LIPE: variants seen among roughly 807,000 people sequenced by gnomAD.
LIPE encodes lipase E, hormone sensitive type.
A neutral mutation model predicts 88.5 loss-of-function variants in LIPE; 66 were observed. That is an observed-to-expected ratio of 0.75 (90% CI 0.61 to 0.91). The LOEUF (loss-of-function observed/expected upper bound fraction) is 0.91. LIPE is among the 40% of genes least tolerant of loss of function. LIPE has a pLI of 0.00. For synonymous variants in LIPE, 570 were observed against 617.5 expected, an observed-to-expected ratio of 0.92 and a Z score of 1.14; for missense variants, 1,346 against 1,434.7, an observed-to-expected ratio of 0.94 and a Z score of 1.00.
Position 42,423,667 on chromosome 19 carries a change from G to A in LIPE, c.883+2600C>T, listed in dbSNP as rs528414719. On this transcript the variant is annotated intron_variant, in intron 1 of 9. Coordinates refer to ENST00000244289, the MANE Select transcript of LIPE (RefSeq NM_005357.4). Reference sequence around the variant, plus strand: ...CCGAGCTTGCTCTTCTCTGGGTCCAGCTCCCTAACCAATTCTGGTCTCCCT... The same window carrying A: ...CCGAGCTTGCTCTTCTCTGGGTCCAACTCCCTAACCAATTCTGGTCTCCCT... 88 of 1,160,470 alleles carry A rather than the reference G, an allele frequency of 7.6e-5. No homozygotes were observed. In the Admixed American group the frequency reaches 1.5e-3, roughly 19 times the overall value. 71.9% of individuals were successfully genotyped at this position (1,160,470 alleles called of 1,614,324 possible).
chr19:42,401,717 A>AGGCCCC lies in LIPE; in HGVS notation c.*94_*95insGGGGCC. 2.3e-4 allele frequency: 7 copies of AGGCCCC among 30,730 alleles called. No individual in the cohort carries two copies. The highest frequency in any genetic ancestry group is 3.6e-4 in the Non-Finnish European group (6 of 16,614). The allele number at this position is 30,730 out of a possible 1,614,324, so 1.9% of individuals were successfully genotyped here. ...CGGGCCCCCGCCCCGCCCCCTTGCC[A>AGGCCCC]CCCCCGACTTAAGTAAGGCACAGCC... On this transcript the variant is annotated 3_prime_UTR_variant, in exon 10 of 10. Coordinates refer to ENST00000244289, the MANE Select transcript of LIPE (RefSeq NM_005357.4).
At chr19:42,403,968 C>G (rs2040083011) in intron 8 of LIPE, among the ~76,000 whole-genome samples, 1 of 152,170 alleles carries the variant, frequency 6.6e-6, no homozygotes, top group African/African-American at 2.4e-5. Context: ...ACACTTCCAG[C>G]CCACCTGGCG....
chr19:42,417,982 C>T (rs1191406082), intron 1 of LIPE, among the ~76,000 whole-genome samples: 2 of 151,424 alleles, frequency 1.3e-5, no homozygotes, highest in Non-Finnish European at 2.9e-5. Flanking sequence ...AGGACTGACC[C>T]CCATTTTTTT....
chr19:42,407,419 AGG>A lies in LIPE; in HGVS notation c.1890_1891del (p.Leu631GlyfsTer57). On this transcript the variant is annotated frameshift_variant, in exon 6 of 10. Coordinates refer to ENST00000244289, the MANE Select transcript of LIPE (RefSeq NM_005357.4). LOFTEE classifies it high-confidence loss of function. This position sits in a 1 kb window ranked among gnomAD's most constrained non-coding sequence, Gnocchi z 5.8. ...CTGCTGGGGGCGCGGCCACAGCTCC[AGG>A]CTCCGTTGGCCGTTGGACTTTATCA... 6.2e-7 allele frequency: 1 copy of A among 1,613,598 alleles called. No individual in the cohort carries two copies. Among genetic ancestry groups the A allele is most frequent in the Non-Finnish European group, 8.5e-7 (1 of 1,179,786 alleles).
chr19:42,405,450 G>A lies in LIPE; in HGVS notation c.2477C>T (p.Ser826Leu), dbSNP rs747830282. The change falls in exon 8 of 10, where the codon TCA (serine) becomes TTA (leucine). Residue 826 changes from serine to leucine, a missense_variant. Coordinates refer to ENST00000244289, the MANE Select transcript of LIPE (RefSeq NM_005357.4). ...LLRDFRLGAS[S>L]WLNSFLELSG... is the part of the protein sequence containing the mutation. ...TAACTCCAGGAAGGAGTTGAGCCAT[G>A]AGGAGGCACCCAGGCGGAAGTCTCG... is the stretch of plus-strand genomic sequence containing the variant. 2 of 1,614,108 alleles carry A rather than the reference G, an allele frequency of 1.2e-6. No homozygotes were observed. Among genetic ancestry groups the A allele is most frequent in the Non-Finnish European group, 1.7e-6 (2 of 1,180,038 alleles).
At position 42,407,551 on chromosome 19, in the gene LIPE, G is replaced by T; in HGVS notation, c.1842+55C>A. The T allele has an allele frequency of 6.3e-7, 1 of 1,575,654 alleles. No homozygotes were observed. The highest frequency in any genetic ancestry group is 2.2e-5 in the East Asian group (1 of 44,458). ...CCCTCCATGGGGATGCCAAGGTGGGGGCTGCCCACGCTCCTCGGCTCTGTC... is the reference window on the plus strand; with the variant it reads ...CCCTCCATGGGGATGCCAAGGTGGGTGCTGCCCACGCTCCTCGGCTCTGTC... On this transcript the variant is annotated intron_variant, in intron 5 of 9. Coordinates refer to ENST00000244289, the MANE Select transcript of LIPE (RefSeq NM_005357.4). The surrounding 1 kb of genome is among the most constrained non-coding windows in gnomAD (Gnocchi z 5.8).
chr19:42,426,002 A>G (rs562295947), intron 1 of LIPE, among the ~76,000 whole-genome samples: 2 of 150,846 alleles, frequency 1.3e-5, no homozygotes, highest in African/African-American at 2.4e-5. Context: ...GTGTTTCACC[A>G]TCTTGGCTAG....
intron 1 of LIPE, among the ~76,000 whole-genome samples, chr19:42,421,663 T>C (rs935281708): frequency 1.3e-5 from 2 of 152,218 alleles, no homozygotes; most frequent in African/African-American, 4.8e-5. Flanking sequence ...GCCATCTCTT[T>C]GCCCTCACTG....
chr19:42,405,679 G>T, intron 7 of LIPE, 118 bp from the exon 8 acceptor site: 1 of 1,018,948 alleles, frequency 9.8e-7, no homozygotes, highest in South Asian at 1.6e-5. Flanking sequence ...GCTTCAAAAG[G>T]GATAAGGAGG....
chr19:42,401,828 C>A lies in LIPE; in HGVS notation c.3215G>T (p.Cys1072Phe). ...ETGAAGVDGG[C>F]GGRH ...AACAGGCTTTTAGTGTCGCCCCCCG[C>A]AGCCCCCGTCTACCCCCGCAGCCCC... Residue 1072 changes from cysteine to phenylalanine, a missense_variant, in exon 10 of 10, where the codon TGC becomes TTC. Coordinates refer to ENST00000244289, the MANE Select transcript of LIPE (RefSeq NM_005357.4). 6.8e-7 allele frequency: 1 copy of A among 1,481,282 alleles called. No homozygotes were observed. The highest frequency in any genetic ancestry group is 9.0e-7 in the Non-Finnish European group (1 of 1,116,874). The allele number at this position is 1,481,282 out of a possible 1,614,324, so 91.8% of individuals were successfully genotyped here.
At chr19:42,417,022 G>T (rs563621473) in intron 1 of LIPE, among the ~76,000 whole-genome samples, 2 of 152,180 alleles carry the variant, frequency 1.3e-5, no homozygotes, top group Non-Finnish European at 2.9e-5. Context: ...CCGGGTTCAC[G>T]CCATTCTCCT....
At chr19:42,413,632 C>T (rs2040429816) in intron 1 of LIPE, among the ~76,000 whole-genome samples, 1 of 152,236 alleles carries the variant, frequency 6.6e-6, no homozygotes, top group Non-Finnish European at 1.5e-5. Context: ...TGCCACTGCA[C>T]TCCAGCCTGG....
At chr19:42,419,866 G>A (rs902153499) in intron 1 of LIPE, among the ~76,000 whole-genome samples, 3 of 152,070 alleles carry the variant, frequency 2.0e-5, no homozygotes, top group East Asian at 1.9e-4. Flanking sequence ...CAGCCTCTGC[G>A]TGCCTGGTCT....
intron 1 of LIPE, among the ~76,000 whole-genome samples, chr19:42,421,433 C>G (rs1282823750): frequency 6.6e-6 from 1 of 152,214 alleles, no homozygotes; most frequent in East Asian, 1.9e-4. Flanking sequence ...GTGTTTTTCT[C>G]TGTTGTATTT....
intron 1 of LIPE, chr19:42,423,658 C>G (rs988261999): frequency 8.6e-7 from 1 of 1,166,266 alleles, no homozygotes; most frequent in African/African-American, 1.6e-5. Flanking sequence ...TTGCTCTTCT[C>G]TGGGTCCAGC....
At position 42,408,822 on chromosome 19, in the gene LIPE, T is replaced by C. The variant is rs2147613905; in HGVS notation, c.1420-500A>G. On this transcript the variant is annotated intron_variant, in intron 2 of 9. Coordinates refer to ENST00000244289, the MANE Select transcript of LIPE (RefSeq NM_005357.4). This position sits in a 1 kb window ranked among gnomAD's most constrained non-coding sequence, Gnocchi z 4.3. ...CTGGGCGACAGAGCGAGACTCTGTC[T>C]CTAAAAAAAAAAAAAGGTGAGCTCA... 7.0e-6 allele frequency among the ~76,000 whole-genome samples: 1 copy of C among 142,952 alleles called. No individual in the cohort carries two copies. The highest frequency in any genetic ancestry group is 3.6e-3 in the Middle Eastern group (1 of 280). 93.8% of individuals were successfully genotyped at this position (142,952 alleles called of 152,430 possible). A position where few individuals can be genotyped will look rare whatever the true frequency, so the allele number is the denominator to read the frequency against.
intron 1 of LIPE, among the ~76,000 whole-genome samples, chr19:42,413,920 G>T (rs2040435507): frequency 6.6e-6 from 1 of 152,214 alleles, no homozygotes; most frequent in Non-Finnish European, 1.5e-5. Flanking sequence ...CCCCTCCCCA[G>T]GGCTGGCAGA....
In LIPE at chr19:42,406,879, G is replaced by C. The variant is rs893487698; in HGVS notation, c.2137+295C>G. Among the ~76,000 whole-genome samples the C allele has an allele frequency of 2.0e-5, 3 of 152,160 alleles. No homozygotes were observed. Among genetic ancestry groups the C allele is most frequent in the African/African-American group, 7.2e-5 (3 of 41,434 alleles). The stretch of plus-strand genomic sequence containing the variant: ...GAGAAGCTGGACTGTGGGCCAGGAG[G>C]CTGGTAGGACAGGAGAGCAGGGCCT... On this transcript the variant is annotated intron_variant, in intron 6 of 9. Coordinates refer to ENST00000244289, the MANE Select transcript of LIPE (RefSeq NM_005357.4). This position sits in a 1 kb window ranked among gnomAD's most constrained non-coding sequence, Gnocchi z 5.7.
chr19:42,413,978 G>A (rs2040437189), intron 1 of LIPE, among the ~76,000 whole-genome samples: 1 of 152,316 alleles, frequency 6.6e-6, no homozygotes, highest in East Asian at 1.9e-4. Flanking sequence ...GCTTGCAGCT[G>A]TGAAAATGGG....
Sources: gnomAD v4.1 joint callset for allele counts (sites outside exome capture counted in the v4.1 genomes callset) on GRCh38, gnomAD v4.1.1 for gene constraint, Gnocchi (gnomAD v3.1) non-coding constraint, MANE v1.5 for transcripts, NCBI Gene and HGNC (gene_info 2026-07-23, HGNC 2026-07-21) for gene names.